Variants in SLC4A5 observed in about 807,000 individuals in gnomAD.
SLC4A5 encodes electrogenic sodium bicarbonate cotransporter 4.
In SLC4A5, 96 loss-of-function variants were observed where a neutral mutation model predicts 120.4. The ratio of observed to expected loss-of-function variants is 0.80; its 90% confidence interval spans 0.68 to 0.94. The LOEUF (loss-of-function observed/expected upper bound fraction) is 0.94, where lower values mean the gene tolerates loss of function less well. SLC4A5 is among the 40% of genes least tolerant of loss of function. The probability of loss-of-function intolerance (pLI) is 0.00; values close to 1 mark genes in which losing one functional copy is unlikely to be tolerated. For synonymous variants in SLC4A5, 550 were observed against 571.1 expected (o/e 0.96, Z 0.53); for missense variants, 1,259 against 1,459.5 (o/e 0.86, Z 2.24).
rs544213176 is a variant in SLC4A5 at position 74,316,134 on chromosome 2, T to C, written c.-2-1109A>G. Among the ~76,000 whole-genome samples the C allele has an allele frequency of 3.3e-5, 5 of 152,002 alleles. No homozygotes were observed. In the South Asian group the frequency reaches 8.3e-4, roughly 25 times the overall value. ...TCTGGACAATCTGTTTCTGGAACTA[T>C]AGCCCTCAGCCACAAGGCTAATACA... On this transcript the variant is annotated intron_variant, in intron 5 of 30. Coordinates refer to ENST00000394019, the Ensembl canonical transcript of SLC4A5.
intron 5 of SLC4A5, among the ~76,000 whole-genome samples, chr2:74,317,440 T>C (rs889040586): frequency 6.6e-6 from 1 of 152,124 alleles, no homozygotes; most frequent in African/African-American, 2.4e-5. Context: ...AAATAGGACA[T>C]CAGAGGCAAT....
chr2:74,265,120 G>A (rs1671262121), exon 9 of SLC4A5: 1 of 1,613,824 alleles, frequency 6.2e-7, no homozygotes, highest in Non-Finnish European at 8.5e-7. Flanking sequence ...TCTGTGGTAA[G>A]GAGCCACTGT....
At chr2:74,277,700 T>C (rs913385531) in intron 8 of SLC4A5, among the ~76,000 whole-genome samples, 8 of 119,066 alleles carry the variant, frequency 6.7e-5, no homozygotes, top group African/African-American at 2.6e-4. Flanking sequence ...CTTGTTTTGA[T>C]TCTAAGTTGT....
chr2:74,238,135 T>TAGCA, intron 21 of SLC4A5, among the ~76,000 whole-genome samples: 1 of 151,840 alleles, frequency 6.6e-6, no homozygotes, highest in East Asian at 1.9e-4. Context: ...AATAATAACA[T>TAGCA]AGCAGTTAGC....
exon 28 of SLC4A5, chr2:74,224,902 T>C: frequency 6.2e-7 from 1 of 1,614,190 alleles, no homozygotes; most frequent in Non-Finnish European, 8.5e-7. Context: ...GTCTCCTTTT[T>C]TTCCTTCTCT....
intron 8 of SLC4A5, among the ~76,000 whole-genome samples, chr2:74,277,251 T>A (rs113061279): frequency 2.5e-4 from 38 of 152,082 alleles, no homozygotes; most frequent in Non-Finnish European, 5.3e-4. Flanking sequence ...TTGACTCTCG[T>A]GTAAAGTACT....
chr2:74,271,329 G>A (rs1016231484), intron 8 of SLC4A5, among the ~76,000 whole-genome samples: 1 of 152,084 alleles, frequency 6.6e-6, no homozygotes, highest in South Asian at 2.1e-4. Flanking sequence ...ACTGTTCTAG[G>A]ACAGTGATTC....
At chr2:74,277,208 G>A (rs558664994) in intron 8 of SLC4A5, among the ~76,000 whole-genome samples, 1 of 152,298 alleles carries the variant, frequency 6.6e-6, no homozygotes, top group Admixed American at 6.5e-5. Flanking sequence ...TAGGCTGTGG[G>A]AGCCAGAGAT....
chr2:74,250,618 C>T, intron 16 of SLC4A5, 101 bp from the exon 17 acceptor site: 1 of 1,422,714 alleles, frequency 7.0e-7, no homozygotes, highest in Non-Finnish European at 9.6e-7. Flanking sequence ...AGGAAAGGAA[C>T]TTGACCAGGG....
intron 12 of SLC4A5, among the ~76,000 whole-genome samples, chr2:74,257,888 C>A (rs1671019273): frequency 6.6e-6 from 1 of 152,184 alleles, no homozygotes; most frequent in African/African-American, 2.4e-5. Flanking sequence ...AACCAACCCA[C>A]TTGTAATACA....
chr2:74,292,051 T>C (rs542694691), intron 7 of SLC4A5, among the ~76,000 whole-genome samples: 2 of 152,338 alleles, frequency 1.3e-5, no homozygotes, highest in East Asian at 1.9e-4. Context: ...AGTAGGATCC[T>C]GGCAAGACAT....
At chr2:74,296,033 A>G (rs1220391562) in intron 7 of SLC4A5, among the ~76,000 whole-genome samples, 1 of 152,198 alleles carries the variant, frequency 6.6e-6, no homozygotes, top group African/African-American at 2.4e-5. Flanking sequence ...TAGGATTTTC[A>G]TTGGTTCACT....
chr2:74,278,276 T>G (rs1431593384), intron 8 of SLC4A5, among the ~76,000 whole-genome samples: 2 of 152,070 alleles, frequency 1.3e-5, no homozygotes, highest in East Asian at 3.9e-4. Flanking sequence ...GCTTCCTGAG[T>G]GCTCCAGTCC....
intron 8 of SLC4A5, among the ~76,000 whole-genome samples, chr2:74,282,799 T>A (rs1429715479): frequency 1.3e-5 from 2 of 152,192 alleles, no homozygotes; most frequent in Non-Finnish European, 1.5e-5. Context: ...GGCTTCTGGA[T>A]GCAGACCCTG....
Position 74,255,973 on chromosome 2 carries a change from ACCTG to A in SLC4A5, c.868-45_868-42del. ...AAACGAGATAGCCAAGGAGACTCCCACCTGCTCTCACTCCCTCACTCCCCTTCAG... is the reference window on the plus strand; with the variant it reads ...AAACGAGATAGCCAAGGAGACTCCCACTCTCACTCCCTCACTCCCCTTCAG... On this transcript the variant is annotated intron_variant, in intron 12 of 30. Transcript: ENST00000394019. The surrounding 1 kb of genome is among the most constrained non-coding windows in gnomAD (Gnocchi z 4.0). 6.2e-7 allele frequency: 1 copy of A among 1,603,602 alleles called. No individual in the cohort carries two copies. Among genetic ancestry groups the A allele is most frequent in the East Asian group, 2.2e-5 (1 of 44,630 alleles).
At chr2:74,304,621 G>C (rs1435439638) in exon 7 of SLC4A5, 2 of 1,614,124 alleles carry the variant, frequency 1.2e-6, no homozygotes, top group Admixed American at 1.7e-5. Flanking sequence ...TGTCCCTTCT[G>C]GTCAGTTTTT....
intron 7 of SLC4A5, among the ~76,000 whole-genome samples, chr2:74,294,543 C>G (rs1672270155): frequency 6.6e-6 from 1 of 152,114 alleles, no homozygotes; most frequent in Admixed American, 6.5e-5. Context: ...CTGCTTTTTC[C>G]TTCCAAGCCA....
exon 31 of SLC4A5, chr2:74,216,983 G>A (rs1441436223): frequency 6.6e-6 from 1 of 152,196 alleles, no homozygotes; most frequent in Non-Finnish European, 1.5e-5. Context: ...GTAGAGGTTT[G>A]GAGCTTTACC....
intron 19 of SLC4A5, among the ~76,000 whole-genome samples, chr2:74,243,782 T>C (rs1670522067): frequency 6.6e-6 from 1 of 152,232 alleles, no homozygotes; most frequent in Non-Finnish European, 1.5e-5. Context: ...GAGATGAATA[T>C]GAAAGAAATA....
Sources: allele counts gnomAD v4.1 joint callset (sites outside exome capture counted in the v4.1 genomes callset), GRCh38; gene constraint gnomAD v4.1.1; non-coding constraint Gnocchi (gnomAD v3.1); transcripts MANE v1.5; gene names NCBI Gene and HGNC (gene_info 2026-07-23, HGNC 2026-07-21).